The following SSPN variants were observed in gnomAD, a reference collection of about 807,000 sequenced individuals.
The protein encoded by SSPN is sarcospan.
A neutral mutation model predicts 19.1 loss-of-function variants in SSPN; 15 were observed. The observed-to-expected ratio is 0.78, with a 90% CI of 0.52 to 1.21. SSPN has a LOEUF of 1.21. Ranked by LOEUF, SSPN falls within the 50% of genes most tolerant of loss-of-function variation. SSPN has a pLI of 0.00. For synonymous variants in SSPN, 147 were observed against 140.3 expected, an observed-to-expected ratio of 1.05 and a Z score of -0.34; for missense variants, 291 against 314.0, an observed-to-expected ratio of 0.93 and a Z score of 0.55.
chr12:26,124,701 G>C, intron 1 of SSPN: 3 of 1,614,004 alleles, frequency 1.9e-6, no homozygotes, highest in Non-Finnish European at 2.5e-6. Flanking sequence ...ATATTCGCAA[G>C]GGTGCGTGCA....
intron 1 of SSPN, among the ~76,000 whole-genome samples, chr12:26,163,756 T>G (rs546194603): frequency 6.6e-6 from 1 of 152,238 alleles, no homozygotes. Flanking sequence ...ACATGAATTT[T>G]GGAAGAGATA....
chr12:26,215,657 G>C (rs1945040115), intron 1 of SSPN, among the ~76,000 whole-genome samples: 1 of 152,218 alleles, frequency 6.6e-6, no homozygotes, highest in Non-Finnish European at 1.5e-5. Flanking sequence ...CCACTGGAGA[G>C]GTGGTGCAAT....
intron 1 of SSPN, among the ~76,000 whole-genome samples, chr12:26,221,438 C>G (rs1163761973): frequency 6.6e-6 from 1 of 152,146 alleles, no homozygotes; most frequent in Non-Finnish European, 1.5e-5. Flanking sequence ...GCCTGTTTTG[C>G]CATCTCTCAT....
In SSPN at chr12:26,122,611, C is replaced by G. The variant is rs1281863977; in HGVS notation, c.-31+459C>G. ...GCAGGGTCGGGCCCCAGAAGCGCGG[C>G]TGCCGCCGCCGCCGCGCCGCCCCCC... On this transcript the variant is annotated intron_variant, in intron 1 of 2. Transcript: ENST00000538142. The G allele has an allele frequency of 3.5e-6, 4 of 1,136,858 alleles. No homozygotes were observed. The South Asian group carries it at 1.7e-4, about 48-fold the overall frequency. 70.4% of individuals were successfully genotyped at this position (1,136,858 alleles called of 1,614,324 possible).
intron 1 of SSPN, chr12:26,125,143 G>C: frequency 2.6e-6 from 1 of 389,814 alleles, no homozygotes; most frequent in South Asian, 2.4e-5. Context: ...GGGCCGGGCC[G>C]GGCGGGGGCG....
intron 1 of SSPN, chr12:26,123,137 G>T: frequency 1.9e-6 from 3 of 1,604,736 alleles, no homozygotes; most frequent in Non-Finnish European, 1.7e-6. Flanking sequence ...CATCCAAGTC[G>T]GACTGAATGG....
At chr12:26,122,839 G>A (rs1298614273) in intron 1 of SSPN, 5 of 1,577,034 alleles carry the variant, frequency 3.2e-6, no homozygotes, top group Non-Finnish European at 2.6e-6. Flanking sequence ...TCGGCGCTGG[G>A]CTGAGTCCGC....
intron 1 of SSPN, among the ~76,000 whole-genome samples, chr12:26,208,576 T>C (rs1426304606): frequency 1.3e-5 from 2 of 152,106 alleles, no homozygotes; most frequent in Non-Finnish European, 2.9e-5. Flanking sequence ...AGATTTAATC[T>C]TCATATATTT....
chr12:26,194,209 G>T (rs1429435996), upstream of SSPN, among the ~76,000 whole-genome samples: 1 of 152,194 alleles, frequency 6.6e-6, no homozygotes, highest in Non-Finnish European at 1.5e-5. Flanking sequence ...AGGTATGCGG[G>T]AATAAGAATA....
At chr12:26,127,340 G>C (rs547384270) in intron 1 of SSPN, among the ~76,000 whole-genome samples, 1 of 152,316 alleles carries the variant, frequency 6.6e-6, no homozygotes, top group African/African-American at 2.4e-5. Context: ...GGAGCCTTGA[G>C]GCTCAAAGGT....
chr12:26,166,114 G>A (rs1359824643), intron 1 of SSPN, among the ~76,000 whole-genome samples: 1 of 152,150 alleles, frequency 6.6e-6, no homozygotes, highest in Non-Finnish European at 1.5e-5. Flanking sequence ...ACACACCAGG[G>A]CCTGTCAGGG....
At chr12:26,179,516 G>A (rs1944704983) in intron 1 of SSPN, among the ~76,000 whole-genome samples, 1 of 152,134 alleles carries the variant, frequency 6.6e-6, no homozygotes, top group Non-Finnish European at 1.5e-5. Flanking sequence ...TCTGTATCAA[G>A]AGCAACTTCT....
intron 1 of SSPN, among the ~76,000 whole-genome samples, chr12:26,130,806 C>T (rs1361966037): frequency 6.6e-6 from 1 of 152,104 alleles, no homozygotes; most frequent in Non-Finnish European, 1.5e-5. Flanking sequence ...CGTCTATCTG[C>T]AAGATCACCC....
chr12:26,207,549 A>C (rs780684877), intron 1 of SSPN, among the ~76,000 whole-genome samples: 6 of 152,206 alleles, frequency 3.9e-5, no homozygotes, highest in Non-Finnish European at 7.4e-5. Context: ...ATACTTTGAA[A>C]ATTTGTATAT....
At chr12:26,199,904 A>T (rs1944863025) in intron 1 of SSPN, among the ~76,000 whole-genome samples, 1 of 152,232 alleles carries the variant, frequency 6.6e-6, no homozygotes, top group Non-Finnish European at 1.5e-5. Context: ...AGTAATGAAT[A>T]CTTCCGATTA....
chr12:26,175,175 C>T (rs1351421979), intron 1 of SSPN, among the ~76,000 whole-genome samples: 2 of 152,212 alleles, frequency 1.3e-5, no homozygotes, highest in Non-Finnish European at 2.9e-5. Context: ...CAGCGTGTGA[C>T]AACTGCAGTT....
At chr12:26,188,941 A>G (rs1944770817) in intron 1 of SSPN, among the ~76,000 whole-genome samples, 1 of 152,212 alleles carries the variant, frequency 6.6e-6, no homozygotes, top group African/African-American at 2.4e-5. Context: ...AACAATAAAA[A>G]AATCTAAGTC....
intron 1 of SSPN, among the ~76,000 whole-genome samples, chr12:26,148,402 A>C (rs1377695833): frequency 6.6e-6 from 1 of 152,256 alleles, no homozygotes; most frequent in Non-Finnish European, 1.5e-5. Flanking sequence ...AAATCTAGAC[A>C]GTGAATAATC....
At chr12:26,161,846 T>C (rs570030981) in intron 1 of SSPN, among the ~76,000 whole-genome samples, 2 of 152,330 alleles carry the variant, frequency 1.3e-5, no homozygotes, top group East Asian at 3.9e-4. Flanking sequence ...ATAGGGTTCA[T>C]GGTCCTATGA....
Sources: allele counts gnomAD v4.1 joint callset (sites outside exome capture counted in the v4.1 genomes callset), GRCh38; gene constraint gnomAD v4.1.1; transcripts MANE v1.5; gene names NCBI Gene and HGNC (gene_info 2026-07-23, HGNC 2026-07-21).